FHIT: variants seen among roughly 807,000 people sequenced by gnomAD.
The protein encoded by FHIT is bis(5'-adenosyl)-triphosphatase.
In FHIT, 19 loss-of-function variants were observed where a neutral mutation model predicts 17.9. That is an observed-to-expected ratio of 1.06 (90% confidence interval 0.74 to 1.56). The LOEUF is 1.56. Among genes scored for constraint, FHIT ranks in the 40% most tolerant of loss-of-function variants. The pLI, the probability that FHIT is intolerant of heterozygous loss-of-function variation, is 0.00. For synonymous variants in FHIT, 81 were observed against 69.7 expected (o/e 1.16, Z -0.81); for missense variants, 248 against 189.2 (o/e 1.31, Z -1.82).
intron 5 of FHIT, among the ~76,000 whole-genome samples, chr3:60,104,550 A>G (rs1039854553): frequency 5.3e-5 from 8 of 149,880 alleles, no homozygotes; most frequent in Non-Finnish European, 8.9e-5. Flanking sequence ...AGAGGTTTTT[A>G]TCTTTTAGAA....
At chr3:60,332,114 G>A (rs559368891) in intron 5 of FHIT, among the ~76,000 whole-genome samples, 2 of 152,178 alleles carry the variant, frequency 1.3e-5, no homozygotes, top group South Asian at 4.2e-4. Flanking sequence ...ACTGTCCTTA[G>A]CTCTTTACAT....
chr3:60,533,484 C>T (rs969466576), intron 5 of FHIT, among the ~76,000 whole-genome samples: 1 of 152,200 alleles, frequency 6.6e-6, no homozygotes. Flanking sequence ...ATGAGGCAGA[C>T]TGGGCTGTGT....
intron 3 of FHIT, among the ~76,000 whole-genome samples, chr3:60,846,226 T>C (rs1281612864): frequency 1.3e-5 from 2 of 152,196 alleles, no homozygotes; most frequent in African/African-American, 4.8e-5. Context: ...ATTAAAAGGT[T>C]ATCACCCTTC....
chr3:61,197,489 T>G (rs2038885804), intron 2 of FHIT, among the ~76,000 whole-genome samples: 1 of 152,190 alleles, frequency 6.6e-6, no homozygotes, highest in African/African-American at 2.4e-5. Flanking sequence ...TTAACAAGTT[T>G]TGTTCTAGGC....
intron 8 of FHIT, among the ~76,000 whole-genome samples, chr3:59,802,399 C>T (rs183817593): frequency 7.6e-4 from 115 of 152,292 alleles, no homozygotes; most frequent in African/African-American, 2.6e-3. Context: ...GTGACCTGCA[C>T]GTATACATCC....
At chr3:60,431,892 A>G (rs1020645527) in intron 5 of FHIT, among the ~76,000 whole-genome samples, 1 of 152,066 alleles carries the variant, frequency 6.6e-6, no homozygotes, top group Non-Finnish European at 1.5e-5. Context: ...GCATAGTTTT[A>G]TTAGAGGAAA....
chr3:60,107,553 G>A (rs1448299617), intron 5 of FHIT, among the ~76,000 whole-genome samples: 2 of 152,148 alleles, frequency 1.3e-5, no homozygotes, highest in Non-Finnish European at 2.9e-5. Flanking sequence ...GTCAGTATGT[G>A]ACTGGTTATA....
intron 5 of FHIT, among the ~76,000 whole-genome samples, chr3:60,464,809 C>G (rs952328387): frequency 6.6e-6 from 1 of 152,118 alleles, no homozygotes; most frequent in Admixed American, 6.5e-5. Context: ...GTGAACAATG[C>G]TGCAATAAAC....
At chr3:59,991,263 A>G (rs1325866706) in intron 7 of FHIT, among the ~76,000 whole-genome samples, 1 of 152,120 alleles carries the variant, frequency 6.6e-6, no homozygotes, top group East Asian at 1.9e-4. Context: ...ATGTAAATTT[A>G]CACAGTAAAC....
At chr3:61,016,568 T>C (rs540748241) in intron 3 of FHIT, among the ~76,000 whole-genome samples, 31 of 152,340 alleles carry the variant, frequency 2.0e-4, no homozygotes, top group African/African-American at 7.5e-4. Context: ...GATAAGAGCC[T>C]GCAGCTATCC....
At chr3:61,032,506 G>C (rs1259877665) in intron 3 of FHIT, among the ~76,000 whole-genome samples, 1 of 152,132 alleles carries the variant, frequency 6.6e-6, no homozygotes, top group Non-Finnish European at 1.5e-5. Flanking sequence ...TCACCCCTAA[G>C]AACTGAAGCA....
intron 3 of FHIT, among the ~76,000 whole-genome samples, chr3:61,002,831 A>T: frequency 6.6e-6 from 1 of 151,628 alleles, no homozygotes; most frequent in East Asian, 1.9e-4. Flanking sequence ...ACCTCCATTA[A>T]CCTCTCCTAC....
intron 8 of FHIT, among the ~76,000 whole-genome samples, chr3:59,861,945 G>C (rs1438734979): frequency 6.6e-6 from 1 of 151,948 alleles, no homozygotes; most frequent in Non-Finnish European, 1.5e-5. Context: ...AGGATTATGT[G>C]ATGTAATTGG....
chr3:61,006,376 A>C (rs2031449065), intron 3 of FHIT, among the ~76,000 whole-genome samples: 1 of 152,186 alleles, frequency 6.6e-6, no homozygotes, highest in African/African-American at 2.4e-5. Flanking sequence ...TGTCATAAAA[A>C]CAGCAACATC....
At chr3:59,757,698 G>C (rs148658084) in intron 8 of FHIT, among the ~76,000 whole-genome samples, 1 of 152,210 alleles carries the variant, frequency 6.6e-6, no homozygotes, top group East Asian at 1.9e-4. Context: ...TATAAACTTG[G>C]ATGTTTTTAT....
In FHIT at chr3:60,293,639, G is replaced by T. The variant is rs764905171; in HGVS notation, c.103+243221C>A. On this transcript the variant is annotated intron_variant, in intron 5 of 9. Coordinates refer to ENST00000492590, the MANE Select transcript of FHIT (RefSeq NM_002012.4). ...TGCTGGTTGGAATTGAAAATGAAACGGTCCCTTGTTTAATGCCATAAAAAG... is the reference window on the plus strand; with the variant it reads ...TGCTGGTTGGAATTGAAAATGAAACTGTCCCTTGTTTAATGCCATAAAAAG... Among the ~76,000 whole-genome samples, 3 of 151,924 alleles carry T rather than the reference G, an allele frequency of 2.0e-5. No homozygotes were observed. In the East Asian group the frequency reaches 5.8e-4, roughly 29 times the overall value.
At chr3:61,150,487 C>G (rs1218478762) in intron 2 of FHIT, among the ~76,000 whole-genome samples, 1 of 152,046 alleles carries the variant, frequency 6.6e-6, no homozygotes, top group Non-Finnish European at 1.5e-5. Flanking sequence ...CTCATATTTT[C>G]TGAGGGGCAA....
At chr3:60,460,351 T>C (rs1323768305) in intron 5 of FHIT, among the ~76,000 whole-genome samples, 2 of 152,090 alleles carry the variant, frequency 1.3e-5, no homozygotes, top group Non-Finnish European at 2.9e-5. Context: ...TAACCAACCA[T>C]GGGAATCACA....
At chr3:60,875,755 A>C (rs552938036) in intron 3 of FHIT, among the ~76,000 whole-genome samples, 3 of 152,120 alleles carry the variant, frequency 2.0e-5, no homozygotes, top group Non-Finnish European at 4.4e-5. Context: ...GATTATGATC[A>C]TTATCTCTAC....
Sources: gnomAD v4.1 joint callset for allele counts (sites outside exome capture counted in the v4.1 genomes callset) on GRCh38, gnomAD v4.1.1 for gene constraint, MANE v1.5 for transcripts, NCBI Gene and HGNC (gene_info 2026-07-23, HGNC 2026-07-21) for gene names.